The following KIRREL3 variants were observed in gnomAD, a reference collection of about 807,000 sequenced individuals.
KIRREL3 encodes kirre like nephrin family adhesion molecule 3.
In KIRREL3, 36 loss-of-function variants were observed where a neutral mutation model predicts 89.7. That is an observed-to-expected ratio of 0.40 (90% CI 0.31 to 0.53). The LOEUF (loss-of-function observed/expected upper bound fraction) is 0.53, where lower values mean the gene tolerates loss of function less well. KIRREL3 is among the 20% of genes least tolerant of loss of function. KIRREL3 has a pLI of 0.49. For synonymous variants in KIRREL3, 445 were observed against 441.4 expected, an observed-to-expected ratio of 1.01 and a Z score of -0.10; for missense variants, 864 against 1,056.6, an observed-to-expected ratio of 0.82 and a Z score of 2.53.
intron 1 of KIRREL3, among the ~76,000 whole-genome samples, chr11:126,975,735 G>T (rs550206910): frequency 6.6e-6 from 1 of 152,138 alleles, no homozygotes; most frequent in Admixed American, 6.5e-5. Context: ...GGAGCAGCTA[G>T]AATCTTCAAG....
intron 1 of KIRREL3, among the ~76,000 whole-genome samples, chr11:126,932,296 A>C (rs1247374408): frequency 6.6e-6 from 1 of 152,206 alleles, no homozygotes; most frequent in African/African-American, 2.4e-5. Context: ...ACATTTTAAA[A>C]GTCTGCTTAG....
rs1056182781 is a variant in KIRREL3, at chr11:126,891,499, C to A, written c.55+108956G>T. On this transcript the variant is annotated intron_variant, in intron 1 of 16. Transcript: ENST00000525144. The surrounding 1 kb of genome is among the most constrained non-coding windows in gnomAD (Gnocchi z 5.1). ...CCTGCAAAGTGGCTGTCTTTGAGAGCGCTCCACAGTCCCTGCCATGGATGG... is the reference window on the plus strand; with the variant it reads ...CCTGCAAAGTGGCTGTCTTTGAGAGAGCTCCACAGTCCCTGCCATGGATGG... Among the ~76,000 whole-genome samples, 1 of 152,164 alleles carries A rather than the reference C, an allele frequency of 6.6e-6. No individual in the cohort carries two copies. Among genetic ancestry groups the A allele is most frequent in the Non-Finnish European group, 1.5e-5 (1 of 68,040 alleles).
In KIRREL3 at chr11:126,976,203, C is replaced by A. The variant is rs150980673; in HGVS notation, c.55+24252G>T. 0.019 allele frequency among the ~76,000 whole-genome samples: 2,938 copies of A among 152,132 alleles called. 45 individuals are homozygous for A. Among genetic ancestry groups the A allele is most frequent in the Non-Finnish European group, 0.028 (1,897 of 67,994 alleles). On this transcript the variant is annotated intron_variant, in intron 1 of 16. Transcript: ENST00000525144. The surrounding 1 kb of genome is among the most constrained non-coding windows in gnomAD (Gnocchi z 4.2). ...AGATAACACTCCTCCAATTAAGACC[C>A]TGCAATATACCTGACAGAGGAAAAT...
rs1284137068 is a variant in KIRREL3, at chr11:126,645,816, CTTATT to C, written c.56-82909_56-82905del. ...CCTACATTACTGCTTCCTCACACACCTTATTTTATTTCCTTTCCTTCCTTCCATGC... is the reference window on the plus strand; with the variant it reads ...CCTACATTACTGCTTCCTCACACACCTTATTTCCTTTCCTTCCTTCCATGC... On this transcript the variant is annotated intron_variant, in intron 1 of 16. Coordinates refer to ENST00000525144, the MANE Select transcript of KIRREL3 (RefSeq NM_032531.4). This position sits in a 1 kb window ranked among gnomAD's most constrained non-coding sequence, Gnocchi z 4.9. 6.6e-6 allele frequency among the ~76,000 whole-genome samples: 1 copy of C among 152,166 alleles called. No homozygotes were observed. Among genetic ancestry groups the C allele is most frequent in the Non-Finnish European group, 1.5e-5 (1 of 68,026 alleles).
At chr11:126,803,758 T>A (rs954207660) in intron 1 of KIRREL3, among the ~76,000 whole-genome samples, 4 of 152,210 alleles carry the variant, frequency 2.6e-5, no homozygotes, top group Non-Finnish European at 5.9e-5. Flanking sequence ...ATGGGGTTTT[T>A]ACCTCTTTTC....
intron 1 of KIRREL3, among the ~76,000 whole-genome samples, chr11:126,792,798 A>G (rs187400232): frequency 9.8e-5 from 15 of 152,362 alleles, no homozygotes; most frequent in Admixed American, 3.3e-4. Context: ...CCAGTTTTAT[A>G]AAGCTCAAGA....
chr11:126,743,799 A>G (rs909724934), intron 1 of KIRREL3, among the ~76,000 whole-genome samples: 1 of 152,230 alleles, frequency 6.6e-6, no homozygotes, highest in Non-Finnish European at 1.5e-5. Context: ...AGTTCCTGGA[A>G]CATAGCCAAG....
intron 13 of KIRREL3, among the ~76,000 whole-genome samples, chr11:126,434,087 C>A (rs1955232527): frequency 6.6e-6 from 1 of 152,244 alleles, no homozygotes; most frequent in East Asian, 1.9e-4. Flanking sequence ...CTTCCCAGTC[C>A]CCAGCCTGCC....
chr11:126,663,156 G>T (rs1014503627), intron 1 of KIRREL3, among the ~76,000 whole-genome samples: 5 of 150,654 alleles, frequency 3.3e-5, no homozygotes, highest in African/African-American at 1.2e-4. Context: ...AGAGGGATGT[G>T]GGGGAGGTTT....
At position 126,667,160 on chromosome 11, in the gene KIRREL3, T is replaced by C; in HGVS notation, c.56-104248A>G. On this transcript the variant is annotated intron_variant, in intron 1 of 16. Transcript: ENST00000525144. ...GTAAATAACTTTGAAAGTCAAGAGT[T>C]ACAGGAAATAAAAAAAGAAGACAAT... Among the ~76,000 whole-genome samples the C allele has an allele frequency of 1.3e-5, 2 of 152,208 alleles. 1 individual carries two copies. Among genetic ancestry groups the C allele is most frequent in the Admixed American group, 1.3e-4 (2 of 15,278 alleles).
At position 126,611,786 on chromosome 11, in the gene KIRREL3, C is replaced by T. The variant is rs186451184; in HGVS notation, c.56-48874G>A. On this transcript the variant is annotated intron_variant, in intron 1 of 16. Transcript: ENST00000525144. This position sits in a 1 kb window ranked among gnomAD's most constrained non-coding sequence, Gnocchi z 4.7. ...ATGCTGCCTCTGTGATCCACAGCCC[C>T]GCCAGGCTGATGCTTCAGGAATGGA... Among the ~76,000 whole-genome samples the T allele has an allele frequency of 0.013, 1,976 of 152,262 alleles. 14 individuals are homozygous for T. Among genetic ancestry groups the T allele is most frequent in the Middle Eastern group, 0.031 (9 of 294 alleles).
In KIRREL3 at chr11:126,640,051, A is replaced by G. The variant is rs141007245; in HGVS notation, c.56-77139T>C. 3.3e-5 allele frequency among the ~76,000 whole-genome samples: 5 copies of G among 152,342 alleles called. No individual in the cohort carries two copies. Among genetic ancestry groups the G allele is most frequent in the African/African-American group, 1.2e-4 (5 of 41,566 alleles). On this transcript the variant is annotated intron_variant, in intron 1 of 16. Coordinates refer to ENST00000525144, the MANE Select transcript of KIRREL3 (RefSeq NM_032531.4). This position sits in a 1 kb window ranked among gnomAD's most constrained non-coding sequence, Gnocchi z 4.9. ...TACGATCAGTACTGTGACAATGAAT[A>G]TGAAATGAACGTGCCCAGAGAAGAC...
rs1328842224 is a variant in KIRREL3, at chr11:126,636,395, C to T, written c.56-73483G>A. Among the ~76,000 whole-genome samples, 1 of 152,178 alleles carries T rather than the reference C, an allele frequency of 6.6e-6. No individual in the cohort carries two copies. The highest frequency in any genetic ancestry group is 1.5e-5 in the Non-Finnish European group (1 of 68,032). ...TAACAGATGCCCTGTAAGTGAGTGC[C>T]TTCCTCTTTCTCCCTTCTGGCACTT... On this transcript the variant is annotated intron_variant, in intron 1 of 16. Coordinates refer to ENST00000525144, the MANE Select transcript of KIRREL3 (RefSeq NM_032531.4). This position sits in a 1 kb window ranked among gnomAD's most constrained non-coding sequence, Gnocchi z 4.4.
In KIRREL3 at chr11:126,930,503, T is replaced by C. The variant is rs114975053; in HGVS notation, c.55+69952A>G. Among the ~76,000 whole-genome samples, 335 of 152,322 alleles carry C rather than the reference T, an allele frequency of 2.2e-3. 1 individual carries two copies. Among genetic ancestry groups the C allele is most frequent in the African/African-American group, 7.6e-3 (317 of 41,572 alleles). The stretch of plus-strand genomic sequence containing the variant: ...CCAGTCTGCCCTTAACTTTCCTAAA[T>C]GCTCCAGGGCTCTGCATCAGGAGGG... On this transcript the variant is annotated intron_variant, in intron 1 of 16. Coordinates refer to ENST00000525144, the MANE Select transcript of KIRREL3 (RefSeq NM_032531.4).
At chr11:126,966,901 G>T (rs536615583) in intron 1 of KIRREL3, among the ~76,000 whole-genome samples, 80 of 152,310 alleles carry the variant, frequency 5.3e-4, no homozygotes, top group African/African-American at 1.6e-3. Context: ...ATTTATTAAT[G>T]CAGTCCACAG....
chr11:126,452,184 C>A (rs1956201211), intron 7 of KIRREL3, among the ~76,000 whole-genome samples: 1 of 152,206 alleles, frequency 6.6e-6, no homozygotes, highest in African/African-American at 2.4e-5. Context: ...TTAATAATAA[C>A]AACTGTAGTT....
chr11:126,841,588 G>T (rs914952404), intron 1 of KIRREL3, among the ~76,000 whole-genome samples: 3 of 152,186 alleles, frequency 2.0e-5, no homozygotes, highest in Non-Finnish European at 4.4e-5. Context: ...CAAAGGCAGA[G>T]GTCCATCTTA....
At position 126,429,025 on chromosome 11, in the gene KIRREL3, G is replaced by T. The variant is rs367966423; in HGVS notation, c.1806+154C>A. Among the ~76,000 whole-genome samples the T allele has an allele frequency of 1.2e-4, 19 of 152,348 alleles. No individual in the cohort carries two copies. Among genetic ancestry groups the T allele is most frequent in the Middle Eastern group, 6.8e-3 (2 of 294 alleles). ...AGGCACACACTCACATTTGTTGGCT[G>T]AGAGTGTGTGCCTCACCTATTGTGG... On this transcript the variant is annotated intron_variant, in intron 15 of 16. Transcript: ENST00000525144. This position sits in a 1 kb window ranked among gnomAD's most constrained non-coding sequence, Gnocchi z 5.2.
At position 126,991,551 on chromosome 11, in the gene KIRREL3, G is replaced by C. The variant is rs985786947; in HGVS notation, c.55+8904C>G. Among the ~76,000 whole-genome samples, 8 of 152,192 alleles carry C rather than the reference G, an allele frequency of 5.3e-5. No individual in the cohort carries two copies. Among genetic ancestry groups the C allele is most frequent in the African/African-American group, 1.9e-4 (8 of 41,518 alleles). On this transcript the variant is annotated intron_variant, in intron 1 of 16. Transcript: ENST00000525144. This position sits in a 1 kb window ranked among gnomAD's most constrained non-coding sequence, Gnocchi z 5.8. ...GCAGTATGTCCTTAATTACTCTTCA[G>C]CCCCAAAGCCTGGCCTGTTATTTCC...
Sources: allele counts gnomAD v4.1 joint callset (sites outside exome capture counted in the v4.1 genomes callset), GRCh38; gene constraint gnomAD v4.1.1; non-coding constraint Gnocchi (gnomAD v3.1); transcripts MANE v1.5; gene names NCBI Gene and HGNC (gene_info 2026-07-23, HGNC 2026-07-21).